The following CDKAL1 variants were observed in gnomAD, a reference collection of about 807,000 sequenced individuals.
The protein encoded by CDKAL1 is CDKAL1 threonylcarbamoyladenosine tRNA methylthiotransferase, also known as threonylcarbamoyladenosine tRNA methylthiotransferase.
CDKAL1 carries 32 observed loss-of-function variants against 68.2 expected under a neutral mutation model. The ratio of observed to expected loss-of-function variants is 0.47; its 90% CI spans 0.35 to 0.63. The LOEUF (loss-of-function observed/expected upper bound fraction) is 0.63. Ranked by LOEUF, CDKAL1 falls within the 30% of genes least tolerant of loss-of-function variation. CDKAL1 has a pLI of 0.00. For synonymous variants in CDKAL1, 234 were observed against 244.3 expected (o/e 0.96, Z 0.39); for missense variants, 606 against 696.7 (o/e 0.87, Z 1.47).
intron 11 of CDKAL1, among the ~76,000 whole-genome samples, chr6:21,056,586 A>G (rs1770845794): frequency 6.6e-6 from 1 of 152,108 alleles, no homozygotes; most frequent in African/African-American, 2.4e-5. Context: ...GAGAGAGGGC[A>G]TCTTTGTCTT....
rs138913898 is a variant in CDKAL1, at chr6:20,734,110, C to T, written c.372-5409C>T. Among the ~76,000 whole-genome samples the T allele has an allele frequency of 4.6e-3, 647 of 141,368 alleles. 3 individuals carry two copies. The highest frequency in any genetic ancestry group is 0.014 in the Middle Eastern group (4 of 282). 92.7% of individuals were successfully genotyped at this position (141,368 alleles called of 152,430 possible). A position where few individuals can be genotyped will look rare whatever the true frequency, so the allele number is the denominator to read the frequency against. ...GTTGCAGGGAGCTGAGATTATGCCA[C>T]TGCACTCCAACCTGGGCATCAGAGC... On this transcript the variant is annotated intron_variant, in intron 5 of 15. Transcript: ENST00000274695.
intron 5 of CDKAL1, among the ~76,000 whole-genome samples, chr6:20,719,912 T>A (rs1397134714): frequency 6.6e-6 from 1 of 152,250 alleles, no homozygotes; most frequent in Non-Finnish European, 1.5e-5. Flanking sequence ...TAAATCTTGC[T>A]CATTTTAAAA....
intron 9 of CDKAL1, among the ~76,000 whole-genome samples, chr6:20,849,231 TA>T (rs757733436): frequency 1.4e-4 from 21 of 152,344 alleles, no homozygotes; most frequent in Non-Finnish European, 2.8e-4. Context: ...CTATAATATT[TA>T]ATGTTTTTAT....
chr6:20,617,636 C>T (rs1166249571), intron 4 of CDKAL1, among the ~76,000 whole-genome samples: 1 of 152,070 alleles, frequency 6.6e-6, no homozygotes, highest in Non-Finnish European at 1.5e-5. Context: ...TCTTATTGTT[C>T]AATTCCCACC....
chr6:21,179,196 C>A (rs930587987), intron 13 of CDKAL1, among the ~76,000 whole-genome samples: 1 of 152,136 alleles, frequency 6.6e-6, no homozygotes, highest in East Asian at 1.9e-4. Context: ...CCCAGGTTTT[C>A]AAAGAGAGCA....
At chr6:21,066,763 A>G (rs1025151836) in intron 12 of CDKAL1, among the ~76,000 whole-genome samples, 1 of 152,180 alleles carries the variant, frequency 6.6e-6, no homozygotes, top group Non-Finnish European at 1.5e-5. Context: ...CTGGGACTAC[A>G]GGTGGGTGCC....
chr6:20,815,842 C>T (rs1268064531), intron 8 of CDKAL1, among the ~76,000 whole-genome samples: 1 of 152,090 alleles, frequency 6.6e-6, no homozygotes, highest in African/African-American at 2.4e-5. Flanking sequence ...GTTTTCTGTG[C>T]ACATTCTTGT....
intron 12 of CDKAL1, among the ~76,000 whole-genome samples, chr6:21,083,063 G>A (rs1772495707): frequency 6.6e-6 from 1 of 151,750 alleles, no homozygotes; most frequent in Non-Finnish European, 1.5e-5. Context: ...ACAGGATCTT[G>A]TCATGTTGCC....
chr6:20,855,782 C>T (rs1461681322), intron 9 of CDKAL1, among the ~76,000 whole-genome samples: 1 of 152,116 alleles, frequency 6.6e-6, no homozygotes, highest in Non-Finnish European at 1.5e-5. Context: ...TACAATAGTA[C>T]ATGAGTATAA....
At chr6:21,057,115 C>A (rs1561995018) in intron 11 of CDKAL1, among the ~76,000 whole-genome samples, 1 of 152,132 alleles carries the variant, frequency 6.6e-6, no homozygotes, top group Non-Finnish European at 1.5e-5. Flanking sequence ...CCTCTTTGTA[C>A]CTCTGGTATA....
intron 10 of CDKAL1, among the ~76,000 whole-genome samples, chr6:20,989,897 G>A (rs1425928956): frequency 6.6e-6 from 1 of 151,824 alleles, no homozygotes; most frequent in Non-Finnish European, 1.5e-5. Context: ...ATCATCATTA[G>A]ACAAAAACTC....
intron 4 of CDKAL1, among the ~76,000 whole-genome samples, chr6:20,595,396 G>A (rs9350263): frequency 6.6e-6 from 1 of 151,856 alleles, no homozygotes; most frequent in African/African-American, 2.4e-5. Context: ...TCTAATAATG[G>A]GTTATTTCAT....
intron 13 of CDKAL1, among the ~76,000 whole-genome samples, chr6:21,159,213 T>C (rs1030232888): frequency 7.9e-5 from 12 of 151,924 alleles, no homozygotes; most frequent in African/African-American, 2.9e-4. Context: ...ATGATAAATA[T>C]ATTTCCAGGA....
At chr6:20,557,060 A>C (rs1764081584) in intron 4 of CDKAL1, among the ~76,000 whole-genome samples, 2 of 137,070 alleles carry the variant, frequency 1.5e-5, no homozygotes, top group South Asian at 4.8e-4. Flanking sequence ...AAAATAAATA[A>C]ATAAATAAAT....
intron 5 of CDKAL1, among the ~76,000 whole-genome samples, chr6:20,701,425 C>G (rs141076656): frequency 6.6e-6 from 1 of 152,334 alleles, no homozygotes; most frequent in Non-Finnish European, 1.5e-5. Context: ...TTTAGACTCT[C>G]TGATTTGCTC....
At chr6:21,098,412 T>A (rs1165063602) in intron 12 of CDKAL1, among the ~76,000 whole-genome samples, 2 of 151,992 alleles carry the variant, frequency 1.3e-5, no homozygotes, top group Admixed American at 6.6e-5. Flanking sequence ...AGAAATAGAT[T>A]GAAGTGTTGT....
rs148833035 is a variant in CDKAL1 at position 20,966,811 on chromosome 6, T to G, written c.909+11226T>G. 7.9e-5 allele frequency among the ~76,000 whole-genome samples: 12 copies of G among 152,374 alleles called. No homozygotes were observed. The East Asian group carries it at 2.3e-3, about 29-fold the overall frequency. On this transcript the variant is annotated intron_variant, in intron 10 of 15. Coordinates refer to ENST00000274695, the MANE Select transcript of CDKAL1 (RefSeq NM_017774.3). ...GTGGAATATCAGGCTACCTTCTGAT[T>G]GGTGGAAATTTCAGACATTAATCTT...
intron 5 of CDKAL1, among the ~76,000 whole-genome samples, chr6:20,732,263 CTTTTTTTTTT>C (rs56911987): frequency 2.4e-5 from 2 of 83,486 alleles, no homozygotes; most frequent in Non-Finnish European, 4.3e-5. Context: ...TTCTTTCTTT[CTTTTTTTTTT>C]TTTTTTTTTT....
chr6:20,834,200 G>A (rs1348184370), intron 8 of CDKAL1, among the ~76,000 whole-genome samples: 1 of 152,150 alleles, frequency 6.6e-6, no homozygotes, highest in Admixed American at 6.5e-5. Flanking sequence ...CTGCACCTGG[G>A]AATTTTTCTA....
Sources: gnomAD v4.1 joint callset for allele counts (sites outside exome capture counted in the v4.1 genomes callset) on GRCh38, gnomAD v4.1.1 for gene constraint, MANE v1.5 for transcripts, NCBI Gene and HGNC (gene_info 2026-07-23, HGNC 2026-07-21) for gene names.